Variants in GLDN observed in about 807,000 individuals in gnomAD.
GLDN encodes collomin.
GLDN carries 47 observed loss-of-function variants against 56.5 expected under a neutral mutation model. That is an observed-to-expected ratio of 0.83 (90% CI 0.66 to 1.06). GLDN has a LOEUF of 1.06. GLDN is among the 50% of genes least tolerant of loss of function. The pLI is 0.00. For synonymous variants in GLDN, 332 were observed against 278.8 expected (o/e 1.19, Z -1.90); for missense variants, 782 against 714.3 (o/e 1.09, Z -1.08).
At chr15:51,411,098 A>T (rs1219574404), downstream of GLDN, among the ~76,000 whole-genome samples, 2 of 152,230 alleles carry the variant, frequency 1.3e-5, no homozygotes, top group South Asian at 2.1e-4. Context: ...GACTGAAAGG[A>T]TAATAAAATC....
chr15:51,353,822 A>G (rs1053721194), intron 1 of GLDN, among the ~76,000 whole-genome samples: 16 of 151,886 alleles, frequency 1.1e-4, no homozygotes, highest in African/African-American at 3.9e-4. Context: ...CCACACACAA[A>G]AAAGAAATTC....
In GLDN at chr15:51,390,293, G is replaced by A. The variant is rs537337514; in HGVS notation, c.542-4542G>A. 8.5e-5 allele frequency among the ~76,000 whole-genome samples: 13 copies of A among 152,292 alleles called. No individual in the cohort carries two copies. The East Asian group carries it at 2.3e-3, about 27-fold the overall frequency. On this transcript the variant is annotated intron_variant, in intron 4 of 9. Coordinates refer to ENST00000335449, the MANE Select transcript of GLDN (RefSeq NM_181789.4). ...ATTATTGTTGTTGTTTTCAAAAGTC[G>A]GGAAGGAGAAACTTTATTTTAGACC...
intron 1 of GLDN, among the ~76,000 whole-genome samples, chr15:51,368,855 A>T (rs1229461620): frequency 6.6e-6 from 1 of 152,152 alleles, no homozygotes; most frequent in African/African-American, 2.4e-5. Context: ...ATAAGATGAA[A>T]AGCTTACTGA....
chr15:51,367,205 T>C (rs2037422195), intron 1 of GLDN, among the ~76,000 whole-genome samples: 1 of 152,174 alleles, frequency 6.6e-6, no homozygotes. Flanking sequence ...GAACACCTGG[T>C]GGGGGAAATC....
intron 1 of GLDN, among the ~76,000 whole-genome samples, chr15:51,354,922 G>C (rs1013067123): frequency 6.6e-6 from 1 of 152,146 alleles, no homozygotes; most frequent in Admixed American, 6.5e-5. Context: ...CATTAATCCA[G>C]GCAAGAAACA....
intron 2 of GLDN, among the ~76,000 whole-genome samples, chr15:51,378,525 T>C (rs952852710): frequency 2.0e-5 from 3 of 152,162 alleles, no homozygotes; most frequent in Admixed American, 6.5e-5. Context: ...CTCTTCCTTT[T>C]TGATTTTTTT....
intron 3 of GLDN, 126 bp from the exon 4 acceptor site, chr15:51,383,659 G>T: frequency 1.1e-6 from 1 of 937,854 alleles, no homozygotes; most frequent in Non-Finnish European, 1.6e-6. Flanking sequence ...GGAAAGAAGT[G>T]GGAAAGGATG....
chr15:51,390,152 T>A lies in GLDN; in HGVS notation c.542-4683T>A, dbSNP rs570342944. 5.3e-5 allele frequency among the ~76,000 whole-genome samples: 8 copies of A among 152,328 alleles called. No individual in the cohort carries two copies. The East Asian group carries it at 1.5e-3, about 29-fold the overall frequency. ...TGCCACAATTTCCTCATTTGCAAAA[T>A]GGGGACAATAATAGTATTAACCTCA... On this transcript the variant is annotated intron_variant, in intron 4 of 9. Transcript: ENST00000335449.
chr15:51,390,471 G>C (rs1443135692), intron 4 of GLDN, among the ~76,000 whole-genome samples: 1 of 152,204 alleles, frequency 6.6e-6, no homozygotes, highest in South Asian at 2.1e-4. Context: ...AAAGCAAGCA[G>C]TTTCTTTCCT....
intron 2 of GLDN, among the ~76,000 whole-genome samples, chr15:51,379,900 T>C (rs1012400933): frequency 5.3e-5 from 8 of 152,336 alleles, no homozygotes; most frequent in African/African-American, 1.7e-4. Context: ...TGAGTTTTTA[T>C]CTGCTACCTA....
At chr15:51,411,526 AG>A (rs1160934861), downstream of GLDN, among the ~76,000 whole-genome samples, 2 of 152,368 alleles carry the variant, frequency 1.3e-5, no homozygotes, top group East Asian at 3.9e-4. Flanking sequence ...CTTTTTCTAT[AG>A]AAGACCTGAT....
chr15:51,397,622 C>T, intron 6 of GLDN, 24 bp downstream of exon 6: 1 of 1,531,890 alleles, frequency 6.5e-7, no homozygotes, highest in South Asian at 1.3e-5. Context: ...CCCTACGGGG[C>T]CCACCTCTTC....
intron 1 of GLDN, among the ~76,000 whole-genome samples, chr15:51,363,663 A>G (rs1325531291): frequency 2.0e-5 from 3 of 152,224 alleles, no homozygotes; most frequent in East Asian, 3.9e-4. Context: ...TAGGACCCTA[A>G]GAGGGATATG....
At chr15:51,394,747 C>T in intron 4 of GLDN, 88 bp from the exon 5 acceptor site, 1 of 1,400,658 alleles carries the variant, frequency 7.1e-7, no homozygotes, top group South Asian at 1.3e-5. Context: ...AAACTGCTTC[C>T]CTGGAAAGCA....
At chr15:51,376,478 C>T (rs2141086760) in intron 1 of GLDN, among the ~76,000 whole-genome samples, 1 of 152,344 alleles carries the variant, frequency 6.6e-6, no homozygotes, top group East Asian at 1.9e-4. Context: ...CAGGACATGA[C>T]TGTACACCAC....
chr15:51,381,576 C>T (rs1427778691), intron 2 of GLDN, among the ~76,000 whole-genome samples: 3 of 152,144 alleles, frequency 2.0e-5, no homozygotes, highest in East Asian at 3.8e-4. Flanking sequence ...TCAAAATAGC[C>T]TCTATCCATC....
chr15:51,363,415 T>G (rs554087553), intron 1 of GLDN, among the ~76,000 whole-genome samples: 1 of 152,214 alleles, frequency 6.6e-6, no homozygotes, highest in African/African-American at 2.4e-5. Context: ...TGTTTGCTGA[T>G]GAAAACATCG....
At chr15:51,388,720 C>G (rs1055392366) in intron 4 of GLDN, among the ~76,000 whole-genome samples, 1 of 152,242 alleles carries the variant, frequency 6.6e-6, no homozygotes, top group Non-Finnish European at 1.5e-5. Context: ...GACACCTGCT[C>G]TTAACCACAG....
intron 1 of GLDN, among the ~76,000 whole-genome samples, chr15:51,375,299 C>A (rs1566942724): frequency 6.6e-6 from 1 of 152,172 alleles, no homozygotes. Context: ...CTCCCTTCCA[C>A]CCTGGCCCTC....
Sources: allele counts gnomAD v4.1 joint callset (sites outside exome capture counted in the v4.1 genomes callset), GRCh38; gene constraint gnomAD v4.1.1; transcripts MANE v1.5; gene names NCBI Gene and HGNC (gene_info 2026-07-23, HGNC 2026-07-21).